The following RPS6KC1 variants were observed in gnomAD, a reference collection of about 807,000 sequenced individuals.
The protein encoded by RPS6KC1 is inactive ribosomal protein S6 kinase delta-1.
A neutral mutation model predicts 103.8 loss-of-function variants in RPS6KC1; 54 were observed. That is an observed-to-expected ratio of 0.52 (90% CI 0.42 to 0.65). RPS6KC1 has a LOEUF of 0.65. Ranked by LOEUF, RPS6KC1 falls within the 30% of genes least tolerant of loss-of-function variation. RPS6KC1 has a pLI of 0.00. For missense variants in RPS6KC1, 1,151 were observed against 1,253.8 expected, an observed-to-expected ratio of 0.92 and a Z score of 1.24; for synonymous variants, 439 against 438.7, an observed-to-expected ratio of 1.00 and a Z score of -0.01.
Position 213,145,231 on chromosome 1 carries a change from C to T in RPS6KC1, c.835+15342C>T, listed in dbSNP as rs1031880258. Among the ~76,000 whole-genome samples the T allele has an allele frequency of 3.9e-4, 60 of 152,108 alleles. 3 individuals carry two copies. Among genetic ancestry groups the T allele is most frequent in the Admixed American group, 3.3e-4 (5 of 15,208 alleles). On this transcript the variant is annotated intron_variant, in intron 6 of 14. Transcript: ENST00000366960. ...GAGAGGAAACAAATGAAGTTAGGCT[C>T]ATGATTGTCCCAGATTGCTGTCTTG...
In RPS6KC1 at chr1:213,240,869, A is replaced by G; in HGVS notation, c.1393A>G (p.Ser465Gly). The change falls in exon 11 of 15, where the codon AGC (serine) becomes GGC (glycine). Residue 465 changes from serine (S) to glycine (G), a missense_variant. By Grantham distance (56) the Ser-to-Gly change is moderately conservative. Around this residue, in one of 3 missense-constraint regions of RPS6KC1, gnomAD observed 959 missense variants for 1,006.3 expected, o/e 0.95. Transcript: ENST00000366960. ...SFESRGSDGG[S>G]MLKALPLKSS... is the part of the protein sequence containing the mutation. Reference sequence around the variant, plus strand: ...TGAATCCAGAGGAAGTGATGGTGGAAGCATGCTTAAAGCTCTGCCTTTGAA... The same window carrying G: ...TGAATCCAGAGGAAGTGATGGTGGAGGCATGCTTAAAGCTCTGCCTTTGAA... 1 of 1,613,872 alleles carries G rather than the reference A, an allele frequency of 6.2e-7. No homozygotes were observed. The highest frequency in any genetic ancestry group is 8.5e-7 in the Non-Finnish European group (1 of 1,179,856).
intron 8 of RPS6KC1, among the ~76,000 whole-genome samples, chr1:213,206,398 C>T (rs1255607168): frequency 6.6e-6 from 1 of 152,190 alleles, no homozygotes; most frequent in South Asian, 2.1e-4. Context: ...TTGAATGCTG[C>T]CCTGGGGCAG....
chr1:213,081,228 C>T (rs2079849752), intron 3 of RPS6KC1, among the ~76,000 whole-genome samples: 1 of 152,080 alleles, frequency 6.6e-6, no homozygotes, highest in African/African-American at 2.4e-5. Flanking sequence ...TTATTTGGCT[C>T]ATGGTTTTAC....
At chr1:213,356,877 T>C in the RPS6KC1 span, among the ~76,000 whole-genome samples, 1 of 152,156 alleles carries the variant, frequency 6.6e-6, no homozygotes, top group Non-Finnish European at 1.5e-5. Flanking sequence ...TCTTTAGGAA[T>C]GGAGCTGCTT....
chr1:213,063,730 C>G (rs2078047465), intron 1 of RPS6KC1, among the ~76,000 whole-genome samples: 1 of 152,148 alleles, frequency 6.6e-6, no homozygotes. Context: ...ATTTACTAGG[C>G]ATATTAATGT....
chr1:213,226,756 C>G (rs571808646), intron 8 of RPS6KC1, among the ~76,000 whole-genome samples: 222 of 152,308 alleles, frequency 1.5e-3, no homozygotes, highest in Middle Eastern at 6.8e-3. Context: ...CATGGCTTCT[C>G]TCTGTTGTTT....
chr1:213,294,346 C>T, the RPS6KC1 span, among the ~76,000 whole-genome samples: 1 of 152,136 alleles, frequency 6.6e-6, no homozygotes, highest in Non-Finnish European at 1.5e-5. Context: ...TTTAGGGCCT[C>T]TTATCTCTTG....
chr1:213,428,512 TCCTTCCTCTTTC>T, the RPS6KC1 span, among the ~76,000 whole-genome samples: 1 of 58,358 alleles, frequency 1.7e-5, no homozygotes, highest in African/African-American at 5.9e-5. Context: ...CTTCCTTCCT[TCCTTCCTCTTTC>T]TCTCTCTCTC....
chr1:213,357,206 T>C, the RPS6KC1 span, among the ~76,000 whole-genome samples: 14 of 151,852 alleles, frequency 9.2e-5, no homozygotes, highest in Admixed American at 2.6e-4. Context: ...TTCTTGGTGA[T>C]TGTTAGGCAA....
the RPS6KC1 span, chr1:213,492,598 C>T: frequency 1.3e-5 from 2 of 152,306 alleles, no homozygotes; most frequent in South Asian, 2.1e-4. Context: ...TCTCACCTTT[C>T]GTGACTTACA....
At chr1:213,809,337 G>A in the RPS6KC1 span, among the ~76,000 whole-genome samples, 5 of 152,176 alleles carry the variant, frequency 3.3e-5, no homozygotes, top group Admixed American at 1.3e-4. Context: ...AATTACTATA[G>A]TAACATCGAA....
chr1:213,806,665 A>G, the RPS6KC1 span, among the ~76,000 whole-genome samples: 1 of 149,132 alleles, frequency 6.7e-6, no homozygotes, highest in Admixed American at 6.7e-5. Context: ...TTTTGAGCCT[A>G]TGTGTGTCTC....
intron 6 of RPS6KC1, among the ~76,000 whole-genome samples, chr1:213,167,328 T>C (rs1340655429): frequency 6.6e-6 from 1 of 151,984 alleles, no homozygotes; most frequent in Non-Finnish European, 1.5e-5. Flanking sequence ...GTTCTACTAG[T>C]AGTCTTTTGG....
chr1:213,333,376 G>A, the RPS6KC1 span, among the ~76,000 whole-genome samples: 1 of 152,190 alleles, frequency 6.6e-6, no homozygotes, highest in Non-Finnish European at 1.5e-5. Context: ...ATATATCACT[G>A]TGTTAAGCAA....
At chr1:213,590,917 C>G in the RPS6KC1 span, among the ~76,000 whole-genome samples, 57 of 152,294 alleles carry the variant, frequency 3.7e-4, no homozygotes, top group African/African-American at 1.3e-3. Context: ...GCTTCTCTTC[C>G]TGAGCAAAAC....
the RPS6KC1 span, among the ~76,000 whole-genome samples, chr1:213,617,099 G>C: frequency 6.6e-6 from 1 of 152,136 alleles, no homozygotes; most frequent in Non-Finnish European, 1.5e-5. Context: ...CTTCATTTCT[G>C]TTTCTTTAGC....
At chr1:213,597,196 C>A in the RPS6KC1 span, among the ~76,000 whole-genome samples, 4 of 152,152 alleles carry the variant, frequency 2.6e-5, no homozygotes, top group African/African-American at 9.7e-5. Context: ...TTAAAGGGTT[C>A]TTTCCCATTC....
intron 3 of RPS6KC1, among the ~76,000 whole-genome samples, chr1:213,080,333 C>A (rs1359808738): frequency 6.6e-6 from 1 of 152,082 alleles, no homozygotes; most frequent in Non-Finnish European, 1.5e-5. Flanking sequence ...TTTAGTTCTT[C>A]TGTTGACTTT....
intron 6 of RPS6KC1, among the ~76,000 whole-genome samples, chr1:213,134,672 A>C (rs756105705): frequency 2.0e-5 from 3 of 152,146 alleles, no homozygotes; most frequent in Non-Finnish European, 4.4e-5. Context: ...GATTTATTCC[A>C]TGAATAAGAG....
Sources: gnomAD v4.1 joint callset for allele counts (sites outside exome capture counted in the v4.1 genomes callset) on GRCh38, gnomAD v4.1.1 for gene constraint, gnomAD v4.1.1 regional missense constraint, MANE v1.5 for transcripts, NCBI Gene and HGNC (gene_info 2026-07-23, HGNC 2026-07-21) for gene names.